CNBD1: variants seen among roughly 807,000 people sequenced by gnomAD.
The protein encoded by CNBD1 is cyclic nucleotide binding domain containing 1.
A neutral mutation model predicts 54.4 loss-of-function variants in CNBD1; 71 were observed. The ratio of observed to expected loss-of-function variants is 1.30; its 90% CI spans 1.08 to 1.59. The LOEUF (loss-of-function observed/expected upper bound fraction) is 1.59. Among genes scored for constraint, CNBD1 ranks in the 40% most tolerant of loss-of-function variants. The pLI is 0.00. For synonymous variants in CNBD1, 182 were observed against 170.7 expected, an observed-to-expected ratio of 1.07 and a Z score of -0.51; for missense variants, 659 against 518.0, an observed-to-expected ratio of 1.27 and a Z score of -2.64.
intron 4 of CNBD1, among the ~76,000 whole-genome samples, chr8:86,948,353 G>T (rs1807519568): frequency 6.6e-6 from 1 of 152,036 alleles, no homozygotes; most frequent in Non-Finnish European, 1.5e-5. Flanking sequence ...CACAGTTCTT[G>T]TACTAATTTA....
intron 4 of CNBD1, among the ~76,000 whole-genome samples, chr8:87,164,275 G>T (rs1325431646): frequency 2.6e-5 from 4 of 151,724 alleles, no homozygotes; most frequent in Non-Finnish European, 5.9e-5. Flanking sequence ...TAAAGTCTTT[G>T]TCTTTGCTAT....
chr8:87,165,947 AACTTGTGGAGCAAAATACAGTTTCTAGGC>A (rs1382663346), intron 4 of CNBD1, among the ~76,000 whole-genome samples: 1 of 151,946 alleles, frequency 6.6e-6, no homozygotes, highest in Non-Finnish European at 1.5e-5. Flanking sequence ...AGAGGATATG[AACTTGTGGAGCAAAATACAGTTTCTAGGC>A]ATTGTGAAAT....
At chr8:87,276,746 A>T (rs909299798) in intron 6 of CNBD1, among the ~76,000 whole-genome samples, 9 of 151,872 alleles carry the variant, frequency 5.9e-5, no homozygotes, top group Non-Finnish European at 1.2e-4. Context: ...TCAAGAAAGA[A>T]GGGAAATACA....
intron 4 of CNBD1, among the ~76,000 whole-genome samples, chr8:87,080,481 G>A (rs555195233): frequency 3.3e-5 from 5 of 151,690 alleles, no homozygotes; most frequent in South Asian, 2.1e-4. Flanking sequence ...GAGGGATAGC[G>A]AATCACTTGA....
chr8:86,989,840 C>A (rs1274008949), intron 4 of CNBD1, among the ~76,000 whole-genome samples: 1 of 152,182 alleles, frequency 6.6e-6, no homozygotes, highest in African/African-American at 2.4e-5. Context: ...TCTCCACATC[C>A]TTGCCAGCAT....
intron 4 of CNBD1, among the ~76,000 whole-genome samples, chr8:87,126,314 T>C (rs1187038441): frequency 3.3e-5 from 5 of 152,020 alleles, no homozygotes; most frequent in Non-Finnish European, 7.4e-5. Context: ...AACTCTGGTC[T>C]CTCCACATCC....
chr8:87,165,835 A>G lies in CNBD1; in HGVS notation c.432-40158A>G, dbSNP rs142293687. On this transcript the variant is annotated intron_variant, in intron 4 of 10. Transcript: ENST00000518476. ...GGTTTTTATTTATGGACGTTCACCT[A>G]TTGTTTATTTGCCGTCATATATAAA... 1.4e-3 allele frequency among the ~76,000 whole-genome samples: 209 copies of G among 151,976 alleles called. 1 individual carries two copies. The highest frequency in any genetic ancestry group is 2.2e-4 in the Non-Finnish European group (15 of 67,906).
chr8:86,905,029 G>T, intron 2 of CNBD1, 52 bp from the exon 3 acceptor site: 1 of 1,079,740 alleles, frequency 9.3e-7, no homozygotes, highest in Non-Finnish European at 1.4e-6. Flanking sequence ...TCTTTCTCTT[G>T]GAAGCTGTTA....
chr8:86,929,288 A>T (rs146126658), intron 3 of CNBD1, among the ~76,000 whole-genome samples: 2 of 152,282 alleles, frequency 1.3e-5, no homozygotes, highest in East Asian at 1.9e-4. Context: ...TACCATGGGC[A>T]TGTAGGATTA....
chr8:87,118,769 TACACTTTATAATTTA>T (rs1276989999), intron 4 of CNBD1, among the ~76,000 whole-genome samples: 1 of 152,206 alleles, frequency 6.6e-6, no homozygotes, highest in African/African-American at 2.4e-5. Context: ...CCTTCACATT[TACACTTTATAATTTA>T]ACACACCTGG....
chr8:87,279,137 A>G (rs1808539143), intron 6 of CNBD1, among the ~76,000 whole-genome samples: 1 of 151,454 alleles, frequency 6.6e-6, no homozygotes, highest in Non-Finnish European at 1.5e-5. Flanking sequence ...AGGATTCAGT[A>G]TTATCTGCAA....
intron 4 of CNBD1, among the ~76,000 whole-genome samples, chr8:87,018,731 C>G (rs1385659607): frequency 1.3e-5 from 2 of 152,170 alleles, no homozygotes; most frequent in Non-Finnish European, 2.9e-5. Flanking sequence ...TGTTCCACTG[C>G]TAATGCTCTG....
intron 4 of CNBD1, among the ~76,000 whole-genome samples, chr8:87,052,472 A>G (rs1810331314): frequency 6.6e-6 from 1 of 152,184 alleles, no homozygotes; most frequent in Non-Finnish European, 1.5e-5. Context: ...CTGATCCTTT[A>G]TAAGCATTCC....
In CNBD1 at chr8:86,974,609, G is replaced by A. The variant is rs545115307; in HGVS notation, c.431+34855G>A. Among the ~76,000 whole-genome samples the A allele has an allele frequency of 9.9e-5, 15 of 152,068 alleles. No homozygotes were observed. In the East Asian group the frequency reaches 2.9e-3, roughly 29 times the overall value. ...ATAATACATGCCTATCATCATATTT[G>A]AACCTCAGAATGTTACATGTTAAAT... On this transcript the variant is annotated intron_variant, in intron 4 of 10. Transcript: ENST00000518476.
intron 8 of CNBD1, among the ~76,000 whole-genome samples, chr8:87,309,294 G>T (rs1006440363): frequency 2.6e-5 from 4 of 151,830 alleles, no homozygotes; most frequent in African/African-American, 9.7e-5. Flanking sequence ...TAATATAATC[G>T]GTTTCTTCTT....
chr8:87,416,976 C>G (rs1807847593), intron 2 of CNBD1, among the ~76,000 whole-genome samples: 2 of 151,964 alleles, frequency 1.3e-5, no homozygotes, highest in South Asian at 2.1e-4. Flanking sequence ...CAATATAATC[C>G]ATGAATGTAA....
chr8:86,926,783 G>A (rs1226623287), intron 3 of CNBD1, among the ~76,000 whole-genome samples: 2 of 152,196 alleles, frequency 1.3e-5, no homozygotes, highest in Non-Finnish European at 2.9e-5. Flanking sequence ...GACAGACCCT[G>A]TCATTTCCCA....
At chr8:87,342,903 C>A (rs1810096526) in intron 8 of CNBD1, among the ~76,000 whole-genome samples, 1 of 152,116 alleles carries the variant, frequency 6.6e-6, no homozygotes, top group Non-Finnish European at 1.5e-5. Flanking sequence ...GAGCAGAGAA[C>A]CGGTCTGACT....
chr8:87,026,509 A>G (rs972623320), intron 4 of CNBD1, among the ~76,000 whole-genome samples: 2 of 152,146 alleles, frequency 1.3e-5, no homozygotes, highest in Non-Finnish European at 2.9e-5. Flanking sequence ...ATTCTGCCTA[A>G]TCTTCAGATT....
Sources: allele counts gnomAD v4.1 joint callset (sites outside exome capture counted in the v4.1 genomes callset), GRCh38; gene constraint gnomAD v4.1.1; transcripts MANE v1.5; gene names NCBI Gene and HGNC (gene_info 2026-07-23, HGNC 2026-07-21).